The following GLS2 variants were observed in gnomAD, a reference collection of about 807,000 sequenced individuals.
GLS2 encodes glutaminase 2, also known as glutaminase liver isoform, mitochondrial.
GLS2 carries 52 observed loss-of-function variants against 79.0 expected under a neutral mutation model. The observed-to-expected ratio is 0.66, with a 90% CI of 0.53 to 0.83. The LOEUF is 0.83. GLS2 is among the 40% of genes least tolerant of loss of function. The pLI is 0.00. For synonymous variants in GLS2, 238 were observed against 280.8 expected (o/e 0.85, Z 1.52); for missense variants, 561 against 764.8 (o/e 0.73, Z 3.14).
intron 14 of GLS2, 146 bp from the exon 15 acceptor site, chr12:56,472,897 T>TG: frequency 1.4e-6 from 1 of 730,798 alleles, no homozygotes; most frequent in Admixed American, 2.8e-5. Context: ...TTTTTTTTTT[T>TG]TTTTTTTTGA....
At chr12:56,474,407 G>A (rs1869603160) in intron 12 of GLS2, 137 bp downstream of exon 12, 1 of 1,037,344 alleles carries the variant, frequency 9.6e-7, no homozygotes, top group South Asian at 1.5e-5. Context: ...CGTCTAAGGA[G>A]TCTCAACCTA....
At position 56,474,889 on chromosome 12, in the gene GLS2, G is replaced by C. The variant is rs747514729; in HGVS notation, c.1004C>G (p.Pro335Arg). Residue 335 changes from proline (P) to arginine (R), a missense_variant, in exon 11 of 18, where the codon CCT becomes CGT. By Grantham distance (103) the Pro-to-Arg change is moderately radical (BLOSUM62 -2). This residue lies in a region of GLS2 where 221 missense variants were observed against 275.6 expected (regional missense o/e 0.80). Coordinates refer to ENST00000311966, the MANE Select transcript of GLS2 (RefSeq NM_013267.4). ...GYYLKEKKCFPKGVDMMAALD... is the reference protein window; with the variant it reads ...GYYLKEKKCFRKGVDMMAALD... ...GGCAGCCATCATGTCCACCCCCTTA[G>C]GAAAGCACTGCAAGGAAGAGAGGGG... The C allele has an allele frequency of 1.9e-6, 3 of 1,614,086 alleles. No homozygotes were observed. Among genetic ancestry groups the C allele is most frequent in the Non-Finnish European group, 2.5e-6 (3 of 1,180,008 alleles).
chr12:56,474,910 A>G lies in GLS2; in HGVS notation c.997-14T>C, dbSNP rs759926117. On this transcript the variant is annotated splice_polypyrimidine_tract_variant and intron_variant, in intron 10 of 17. Transcript: ENST00000311966. Reference sequence around the variant, plus strand: ...CTTAGGAAAGCACTGCAAGGAAGAGAGGGGAGAGCATTTCTCTTCAGGACA... The same window carrying G: ...CTTAGGAAAGCACTGCAAGGAAGAGGGGGGAGAGCATTTCTCTTCAGGACA... The G allele has an allele frequency of 4.3e-6, 7 of 1,614,012 alleles. No homozygotes were observed. Among genetic ancestry groups the G allele is most frequent in the Non-Finnish European group, 5.9e-6 (7 of 1,180,034 alleles).
chr12:56,476,030 G>T (rs1361980205), intron 7 of GLS2, 53 bp from the exon 8 acceptor site: 16 of 1,569,838 alleles, frequency 1.0e-5, no homozygotes, highest in Non-Finnish European at 1.4e-5. Flanking sequence ...GATGACAGAG[G>T]GAAGGGTCAG....
rs749879900 is a variant in GLS2 at position 56,477,678 on chromosome 12, A to C, written c.819T>G (p.Val273=). 5.6e-6 allele frequency: 9 copies of C among 1,613,574 alleles called. No homozygotes were observed. In the African/African-American group the frequency reaches 1.2e-4, roughly 22 times the overall value. Residue 273 remains valine, a synonymous_variant, in exon 7 of 18, where the codon GTT becomes GTG. Transcript: ENST00000311966. ...CACTGACCTTGATCAGGGAGCTGACAACAATGGCACCAGCATTGACCATGG... is the reference window on the plus strand; with the variant it reads ...CACTGACCTTGATCAGGGAGCTGACCACAATGGCACCAGCATTGACCATGG... The part of the protein sequence containing the change: ...HNPMVNAGAI[V]VSSLIKMDCN...
Position 56,478,089 on chromosome 12 carries a change from C to T in GLS2, c.622G>A (p.Val208Met). 1 of 1,614,020 alleles carries T rather than the reference C, an allele frequency of 6.2e-7. No homozygotes were observed. Among genetic ancestry groups the T allele is most frequent in the Non-Finnish European group, 8.5e-7 (1 of 1,179,920 alleles). The change falls in exon 6 of 18, where the codon GTG becomes ATG. Residue 208 changes from valine (V) to methionine (M), a missense_variant. Val to Met is a conservative substitution (Grantham distance 21). Coordinates refer to ENST00000311966, the MANE Select transcript of GLS2 (RefSeq NM_013267.4). ...LCTVDGQRHS[V>M]GHTKIPFCLQ... ...CAGAAGGGGATCTTTGTGTGGCCCA[C>T]AGAGTGCCTGGAGGCAGACAGATGC...
intron 8 of GLS2, 102 bp from the exon 9 acceptor site, chr12:56,475,784 C>T (rs1278531572): frequency 7.2e-7 from 1 of 1,381,926 alleles, no homozygotes; most frequent in Non-Finnish European, 1.0e-6. Context: ...TGTCAAGAGG[C>T]TTTCCTCTCT....
At position 56,473,321 on chromosome 12, in the gene GLS2, C is replaced by G; in HGVS notation, c.1357-1G>C. 2 of 1,614,110 alleles carry G rather than the reference C, an allele frequency of 1.2e-6. No homozygotes were observed. The highest frequency in any genetic ancestry group is 1.7e-6 in the Non-Finnish European group (2 of 1,179,996). ...GGAAATTGAAGAGAGACACCAACTT[C>G]TAGAATTGTAAGCCAAATATATTGT... On this transcript the variant is annotated splice_acceptor_variant, in intron 13 of 17. Coordinates refer to ENST00000311966, the MANE Select transcript of GLS2 (RefSeq NM_013267.4). LOFTEE classifies it high-confidence loss of function.
At chr12:56,481,955 G>A (rs755187045) in intron 1 of GLS2, among the ~76,000 whole-genome samples, 13 of 151,538 alleles carry the variant, frequency 8.6e-5, no homozygotes, top group Non-Finnish European at 1.9e-4. Flanking sequence ...AATTGGCCGG[G>A]CATGGTGGTT....
intron 1 of GLS2, among the ~76,000 whole-genome samples, chr12:56,481,847 C>T (rs1000755087): frequency 2.0e-5 from 3 of 151,504 alleles, no homozygotes; most frequent in Non-Finnish European, 2.9e-5. Flanking sequence ...GCCGAGATCA[C>T]GCCATTACAC....
chr12:56,475,510 C>A, intron 9 of GLS2, 114 bp downstream of exon 9: 1 of 1,107,212 alleles, frequency 9.0e-7, no homozygotes, highest in Non-Finnish European at 1.3e-6. Context: ...GGCCAAAGTT[C>A]CCCTGGGATT....
chr12:56,474,517 A>G, intron 12 of GLS2, 27 bp downstream of exon 12: 1 of 1,612,584 alleles, frequency 6.2e-7, no homozygotes, highest in Admixed American at 1.7e-5. Flanking sequence ...GGCTCATGAC[A>G]GATGGATAGC....
Position 56,473,605 on chromosome 12 carries a change from GA to G in GLS2, c.1225-12del. The G allele has an allele frequency of 6.2e-7, 1 of 1,603,184 alleles. No individual in the cohort carries two copies. The highest frequency in any genetic ancestry group is 1.1e-5 in the South Asian group (1 of 89,944). ...GGCTGGCAGGCCCACCTGGGGAACA[GA>G]ACTGAAGCTGAGGATAAAGTGGGTG... On this transcript the variant is annotated splice_polypyrimidine_tract_variant and intron_variant, in intron 12 of 17. Transcript: ENST00000311966.
At chr12:56,487,651 A>G (rs2136199922) in intron 1 of GLS2, 1 of 499,418 alleles carries the variant, frequency 2.0e-6, no homozygotes, top group East Asian at 3.8e-5. Context: ...CAGACACGTG[A>G]GCCAAGCAAC....
At chr12:56,473,662 C>A in intron 12 of GLS2, 68 bp from the exon 13 acceptor site, 1 of 1,535,808 alleles carries the variant, frequency 6.5e-7, no homozygotes. Flanking sequence ...ACAAGTTAGG[C>A]TGTACTCTTA....
chr12:56,477,523 G>A, intron 7 of GLS2, 137 bp downstream of exon 7: 1 of 793,284 alleles, frequency 1.3e-6, no homozygotes, highest in South Asian at 1.7e-5. Context: ...TCCCTGCTGT[G>A]CCTCATGTGC....
intron 9 of GLS2, 78 bp downstream of exon 9, chr12:56,475,546 C>A: frequency 6.9e-7 from 1 of 1,439,548 alleles, no homozygotes; most frequent in Non-Finnish European, 9.7e-7. Context: ...TCTCTCTCCC[C>A]CATTCCTCTT....
At chr12:56,485,876 T>C (rs1160740458) in intron 1 of GLS2, among the ~76,000 whole-genome samples, 1 of 151,908 alleles carries the variant, frequency 6.6e-6, no homozygotes, top group Non-Finnish European at 1.5e-5. Flanking sequence ...ACCCCATCTC[T>C]ATTAAAAATA....
Position 56,473,612 on chromosome 12 carries a change from A to T in GLS2, c.1225-18T>A. On this transcript the variant is annotated intron_variant, in intron 12 of 17. Transcript: ENST00000311966. ...AGGCCCACCTGGGGAACAGAACTGA[A>T]GCTGAGGATAAAGTGGGTGTGCCCC... 6.2e-7 allele frequency: 1 copy of T among 1,600,454 alleles called. No individual in the cohort carries two copies. The highest frequency in any genetic ancestry group is 8.5e-7 in the Non-Finnish European group (1 of 1,173,068).
Sources: allele counts gnomAD v4.1 joint callset (sites outside exome capture counted in the v4.1 genomes callset), GRCh38; gene constraint gnomAD v4.1.1; regional missense constraint gnomAD v4.1.1; transcripts MANE v1.5; gene names NCBI Gene and HGNC (gene_info 2026-07-23, HGNC 2026-07-21).